The following PPIP5K2 variants were observed in gnomAD, a reference collection of about 807,000 sequenced individuals.
PPIP5K2 encodes inositol hexakisphosphate and diphosphoinositol-pentakisphosphate kinase 2.
Under a neutral mutation model 154.6 loss-of-function variants are expected in PPIP5K2, and 105 were observed. The ratio of observed to expected loss-of-function variants is 0.68; its 90% CI spans 0.58 to 0.80. PPIP5K2 has a LOEUF of 0.80. PPIP5K2 is among the 30% of genes least tolerant of loss of function. PPIP5K2 has a pLI of 0.00. For missense variants in PPIP5K2, 992 were observed against 1,504.6 expected, an observed-to-expected ratio of 0.66 and a Z score of 5.64; for synonymous variants, 480 against 490.3, an observed-to-expected ratio of 0.98 and a Z score of 0.28.
At chr5:103,197,434 T>C (rs1312806150) in intron 30 of PPIP5K2, among the ~76,000 whole-genome samples, 5 of 152,010 alleles carry the variant, frequency 3.3e-5, no homozygotes, top group Admixed American at 3.3e-4. Context: ...CTTCTGTTAT[T>C]CATGTTACTG....
rs782082316 is a variant in PPIP5K2 at position 103,180,176 on chromosome 5, G to A, written c.2910G>A (p.Thr970=). 1.3e-5 allele frequency: 21 copies of A among 1,588,514 alleles called. No individual in the cohort carries two copies. The highest frequency in any genetic ancestry group is 5.8e-5 in the South Asian group (5 of 85,904). ...CTCCACTTCCAAGATCTAGGAAGAC[G>A]GCTACAAATGATGTAAGTATATGTA... The part of the protein sequence containing the change: ...RKSPLPRSRK[T]ATNDEESPLS... The change falls in exon 24 of 31, where the codon ACG becomes ACA. Residue 970 remains threonine, a synonymous_variant. Coordinates refer to ENST00000358359, the MANE Select transcript of PPIP5K2 (RefSeq NM_001276277.3).
At position 103,187,518 on chromosome 5, in the gene PPIP5K2, CACCCA is replaced by C. The variant is rs1254690381; in HGVS notation, c.3352+144_3352+148del. 4 of 621,588 alleles carry C rather than the reference CACCCA, an allele frequency of 6.4e-6. No individual in the cohort carries two copies. The African/African-American group carries it at 7.5e-5, about 12-fold the overall frequency. The allele number at this position is 621,588 out of a possible 1,614,324, so 38.5% of individuals were successfully genotyped here. A position where few individuals can be genotyped will look rare whatever the true frequency, so the allele number is the denominator to read the frequency against. Reference sequence around the variant, plus strand: ...TGGCGTACAATTCCAACTTGTTATTCACCCAAATTATTGATACTGTCTAGCTCCCT... The same window carrying C: ...TGGCGTACAATTCCAACTTGTTATTCAATTATTGATACTGTCTAGCTCCCT... On this transcript the variant is annotated intron_variant, in intron 28 of 30. Transcript: ENST00000358359.
chr5:103,160,083 T>G (rs1197909614), intron 17 of PPIP5K2, among the ~76,000 whole-genome samples: 2 of 152,176 alleles, frequency 1.3e-5, no homozygotes, highest in Non-Finnish European at 2.9e-5. Flanking sequence ...TCCATGTTGT[T>G]GCTAATGATA....
rs868938260 is a variant in PPIP5K2, at chr5:103,127,171, G to T, written c.-284-2135G>T. Among the ~76,000 whole-genome samples, 11 of 152,262 alleles carry T rather than the reference G, an allele frequency of 7.2e-5. No individual in the cohort carries two copies. In the South Asian group the frequency reaches 1.9e-3, roughly 26 times the overall value. On this transcript the variant is annotated intron_variant, in intron 1 of 30. Transcript: ENST00000358359. Reference sequence around the variant, plus strand: ...GTTAGAACACTTTAACTAGAAGGAAGTACAATACAGTTTTAAAATAATGTC... The same window carrying T: ...GTTAGAACACTTTAACTAGAAGGAATTACAATACAGTTTTAAAATAATGTC...
intron 17 of PPIP5K2, among the ~76,000 whole-genome samples, chr5:103,162,169 C>T (rs1796368463): frequency 6.6e-6 from 1 of 151,868 alleles, no homozygotes; most frequent in Non-Finnish European, 1.5e-5. Flanking sequence ...GTCTATTGAC[C>T]ATTTAGATAT....
chr5:103,142,112 G>GCA (rs1792829897), intron 5 of PPIP5K2, among the ~76,000 whole-genome samples: 1 of 152,208 alleles, frequency 6.6e-6, no homozygotes, highest in African/African-American at 2.4e-5. Flanking sequence ...GGCTCGGGCC[G>GCA]CACAGGAGCC....
chr5:103,139,960 G>A (rs1250891967), intron 5 of PPIP5K2, among the ~76,000 whole-genome samples: 1 of 152,102 alleles, frequency 6.6e-6, no homozygotes, highest in Non-Finnish European at 1.5e-5. Flanking sequence ...AACTGGCTAT[G>A]TGAAAATCCA....
intron 21 of PPIP5K2, 23 bp from the exon 22 acceptor site, chr5:103,177,644 T>G: frequency 6.6e-7 from 1 of 1,508,898 alleles, no homozygotes; most frequent in Non-Finnish European, 9.1e-7. Context: ...AGAAAATGAT[T>G]ACCACATGTA....
At position 103,203,481 on chromosome 5, in the gene PPIP5K2, G is replaced by C. The variant is rs1803289946; in HGVS notation, c.*1847G>C. The C allele has an allele frequency of 6.6e-6, 1 of 152,066 alleles. No homozygotes were observed. The highest frequency in any genetic ancestry group is 6.6e-5 in the Admixed American group (1 of 15,258). The allele number at this position is 152,066 out of a possible 1,614,324, so 9.4% of individuals were successfully genotyped here. A position where few individuals can be genotyped will look rare whatever the true frequency, so the allele number is the denominator to read the frequency against. On this transcript the variant is annotated 3_prime_UTR_variant, in exon 31 of 31. Transcript: ENST00000358359. ...AGACACTCTATTTGTAAAAATCTTA[G>C]AATCACTTTCCAAAACAAATAAAAA...
At chr5:103,130,628 G>C (rs1378530727) in intron 2 of PPIP5K2, among the ~76,000 whole-genome samples, 1 of 152,070 alleles carries the variant, frequency 6.6e-6, no homozygotes, top group Non-Finnish European at 1.5e-5. Flanking sequence ...GAGCACCTTT[G>C]CTACCTCCTG....
intron 30 of PPIP5K2, among the ~76,000 whole-genome samples, chr5:103,198,566 G>T (rs1156668509): frequency 6.6e-6 from 1 of 151,988 alleles, no homozygotes; most frequent in Non-Finnish European, 1.5e-5. Context: ...TTTGCTTTTT[G>T]TGTTTTGGAG....
Position 103,147,913 on chromosome 5 carries a change from G to T in PPIP5K2, c.643-18G>T. 2 of 1,487,608 alleles carry T rather than the reference G, an allele frequency of 1.3e-6. No individual in the cohort carries two copies. Among genetic ancestry groups the T allele is most frequent in the Non-Finnish European group, 9.1e-7 (1 of 1,093,198 alleles). The allele number at this position is 1,487,608 out of a possible 1,614,324, so 92.2% of individuals were successfully genotyped here. A position where few individuals can be genotyped will look rare whatever the true frequency, so the allele number is the denominator to read the frequency against. On this transcript the variant is annotated intron_variant, in intron 6 of 30. Coordinates refer to ENST00000358359, the MANE Select transcript of PPIP5K2 (RefSeq NM_001276277.3). ...AATAATTTGCTTTTTTATATCGATG[G>T]ACATCTTTTGTTTTCAGATTGGCAG...
intron 19 of PPIP5K2, among the ~76,000 whole-genome samples, chr5:103,172,092 CCT>C (rs1171335213): frequency 1.3e-5 from 2 of 151,494 alleles, no homozygotes; most frequent in East Asian, 1.9e-4. Flanking sequence ...TATGAAAATC[CCT>C]GTTTCCTCAC....
chr5:103,201,479 A>C, intron 30 of PPIP5K2, 43 bp from the exon 31 acceptor site: 1 of 1,222,270 alleles, frequency 8.2e-7, no homozygotes, highest in Non-Finnish European at 1.2e-6. Flanking sequence ...TGTTTGTGTA[A>C]ATTTAAGCAA....
At chr5:103,137,422 A>C (rs1791721191) in intron 4 of PPIP5K2, among the ~76,000 whole-genome samples, 1 of 152,130 alleles carries the variant, frequency 6.6e-6, no homozygotes, top group African/African-American at 2.4e-5. Flanking sequence ...TCGGCCTCCC[A>C]AAGTGCTGGG....
intron 5 of PPIP5K2, 145 bp downstream of exon 5, chr5:103,138,614 T>C (rs138963678): frequency 3.4e-4 from 168 of 493,994 alleles, no homozygotes; most frequent in African/African-American, 2.9e-3. Context: ...GACAAACATA[T>C]TCAATTAAAA....
At chr5:103,136,329 A>G (rs1242807050) in intron 3 of PPIP5K2, among the ~76,000 whole-genome samples, 2 of 152,306 alleles carry the variant, frequency 1.3e-5, no homozygotes, top group East Asian at 3.9e-4. Flanking sequence ...GTGTGTAGGC[A>G]TCAAAATATC....
Position 103,180,186 on chromosome 5 carries a change from GA to G in PPIP5K2, c.2921del (p.Asp974ValfsTer6). ...LPRSRKTATN[D>X]EESPLSVSSP... is the part of the protein sequence containing the mutation. Reference sequence around the variant, plus strand: ...AAGATCTAGGAAGACGGCTACAAATGATGTAAGTATATGTATCAGAACACAT... The same window carrying G: ...AAGATCTAGGAAGACGGCTACAAATGTGTAAGTATATGTATCAGAACACAT... On this transcript the variant is annotated frameshift_variant and splice_region_variant, in exon 24 of 31. Transcript: ENST00000358359. LOFTEE classifies it high-confidence loss of function. The G allele has an allele frequency of 6.3e-7, 1 of 1,587,406 alleles. No individual in the cohort carries two copies. Among genetic ancestry groups the G allele is most frequent in the Non-Finnish European group, 8.5e-7 (1 of 1,170,162 alleles).
chr5:103,163,648 A>G (rs1014606266), intron 17 of PPIP5K2, among the ~76,000 whole-genome samples: 2 of 151,954 alleles, frequency 1.3e-5, no homozygotes, highest in East Asian at 3.8e-4. Context: ...TTCTGTAGAT[A>G]TTTTATATAG....
Sources: gnomAD v4.1 joint callset for allele counts (sites outside exome capture counted in the v4.1 genomes callset) on GRCh38, gnomAD v4.1.1 for gene constraint, MANE v1.5 for transcripts, NCBI Gene and HGNC (gene_info 2026-07-23, HGNC 2026-07-21) for gene names.